The following IRAG1 variants were observed in gnomAD, a reference collection of about 807,000 sequenced individuals.
IRAG1 encodes IP3R-associated cGMP kinase substrate.
IRAG1 carries 62 observed loss-of-function variants against 106.2 expected under a neutral mutation model. The ratio of observed to expected loss-of-function variants is 0.58; its 90% confidence interval spans 0.48 to 0.72. IRAG1 has a LOEUF of 0.72. Ranked by LOEUF, IRAG1 falls within the 30% of genes least tolerant of loss-of-function variation. IRAG1 has a pLI of 0.00. For missense variants in IRAG1, 1,064 were observed against 1,140.7 expected (o/e 0.93, Z 0.97); for synonymous variants, 462 against 443.9 (o/e 1.04, Z -0.51).
At chr11:10,591,321 GCTCT>G (rs1482035352) in intron 18 of IRAG1, among the ~76,000 whole-genome samples, 4 of 152,138 alleles carry the variant, frequency 2.6e-5, no homozygotes, top group Admixed American at 1.3e-4. Flanking sequence ...CCTTCTCTGG[GCTCT>G]CTAAGATTGG....
chr11:10,687,879 G>A (rs1023166742), intron 1 of IRAG1: 50 of 1,051,764 alleles, frequency 4.8e-5, no homozygotes, highest in Non-Finnish European at 5.4e-5. Flanking sequence ...TTTTTTTTGG[G>A]GGGGGGTGGT....
chr11:10,673,376 T>C (rs1038499666), intron 1 of IRAG1, among the ~76,000 whole-genome samples: 1 of 152,126 alleles, frequency 6.6e-6, no homozygotes, highest in African/African-American at 2.4e-5. Flanking sequence ...GAAAATATTA[T>C]GGTAAGTGAA....
chr11:10,599,268 A>C (rs1032576338), intron 15 of IRAG1, among the ~76,000 whole-genome samples: 1 of 152,120 alleles, frequency 6.6e-6, no homozygotes, highest in Non-Finnish European at 1.5e-5. Context: ...TTACCTCTAT[A>C]TTCCAGTATT....
chr11:10,636,032 A>G (rs1857123047), intron 2 of IRAG1, among the ~76,000 whole-genome samples: 2 of 152,182 alleles, frequency 1.3e-5, no homozygotes, highest in South Asian at 4.1e-4. Flanking sequence ...AGCATTGCCT[A>G]TTGGAAGGGT....
Position 10,593,618 on chromosome 11 carries a change from C to T in IRAG1, c.2068-19G>A, listed in dbSNP as rs1470129064. ...GCATATTCTGCAGGAAGAGAAGTGA[C>T]CAGGCTCACTGTCTTGGAGGTAGCA... On this transcript the variant is annotated intron_variant, in intron 16 of 20. Transcript: ENST00000423302. The T allele has an allele frequency of 6.3e-7, 1 of 1,583,264 alleles. No individual in the cohort carries two copies. The highest frequency in any genetic ancestry group is 1.3e-5 in the African/African-American group (1 of 74,272).
intron 5 of IRAG1, among the ~76,000 whole-genome samples, chr11:10,629,113 C>A (rs1325369457): frequency 6.6e-6 from 1 of 152,132 alleles, no homozygotes; most frequent in African/African-American, 2.4e-5. Context: ...TGAGGCCTGG[C>A]GTTGGTTGGC....
intron 1 of IRAG1, among the ~76,000 whole-genome samples, chr11:10,655,319 C>T (rs1858832291): frequency 6.6e-6 from 1 of 152,058 alleles, no homozygotes; most frequent in African/African-American, 2.4e-5. Flanking sequence ...AAGCAGGAAG[C>T]AAGGAGAACA....
In IRAG1 at chr11:10,668,162, C is replaced by T. The variant is rs559856239; in HGVS notation, c.68-15980G>A. On this transcript the variant is annotated intron_variant, in intron 1 of 20. Transcript: ENST00000423302. ...TCAGGAGCCACCACATGATTCTCAC[C>T]AGATTAAACCCTCTGCCCCATTTCC... Among the ~76,000 whole-genome samples, 3 of 152,340 alleles carry T rather than the reference C, an allele frequency of 2.0e-5. No homozygotes were observed. The South Asian group carries it at 6.2e-4, about 32-fold the overall frequency.
intron 20 of IRAG1, among the ~76,000 whole-genome samples, chr11:10,577,157 C>T (rs1457484574): frequency 1.3e-5 from 2 of 152,202 alleles, no homozygotes; most frequent in Non-Finnish European, 1.5e-5. Context: ...CAAGAGTTCA[C>T]TTCAAACCAT....
At chr11:10,616,200 G>A (rs1272715960) in intron 10 of IRAG1, among the ~76,000 whole-genome samples, 1 of 151,400 alleles carries the variant, frequency 6.6e-6, no homozygotes, top group African/African-American at 2.4e-5. Context: ...GGCCGAGGAA[G>A]GAGAGCGGCG....
intron 2 of IRAG1, among the ~76,000 whole-genome samples, chr11:10,640,345 TA>T (rs1360162593): frequency 6.6e-6 from 1 of 152,212 alleles, no homozygotes; most frequent in Non-Finnish European, 1.5e-5. Flanking sequence ...GCAGGAAGCA[TA>T]AAGCGATTAG....
chr11:10,664,329 C>T (rs1305306808), intron 1 of IRAG1, among the ~76,000 whole-genome samples: 1 of 152,202 alleles, frequency 6.6e-6, no homozygotes, highest in Non-Finnish European at 1.5e-5. Flanking sequence ...TCCCAGTTCT[C>T]CAAAGCCATG....
intron 1 of IRAG1, among the ~76,000 whole-genome samples, chr11:10,675,355 CA>C (rs1367363590): frequency 6.6e-6 from 1 of 152,206 alleles, no homozygotes; most frequent in Non-Finnish European, 1.5e-5. Flanking sequence ...TCCTGTGTGT[CA>C]CGTGCACTGC....
chr11:10,614,812 A>G (rs10840448), intron 10 of IRAG1, among the ~76,000 whole-genome samples: 61,416 of 152,104 alleles, frequency 0.4, 12,984 homozygotes, highest in East Asian at 0.69. Flanking sequence ...AAGGACTTCA[A>G]TGTTAGACCT....
intron 18 of IRAG1, chr11:10,589,148 A>G (rs1196345864): frequency 6.6e-6 from 1 of 152,168 alleles, no homozygotes; most frequent in Non-Finnish European, 1.5e-5. Flanking sequence ...AACTAGCCAC[A>G]GGGTATTTGA....
intron 10 of IRAG1, among the ~76,000 whole-genome samples, chr11:10,610,281 A>G (rs183284525): frequency 1.1e-4 from 16 of 152,358 alleles, no homozygotes; most frequent in Admixed American, 8.5e-4. Flanking sequence ...AAAATGTTCT[A>G]TATTATGTAT....
At chr11:10,587,916 A>C (rs1377725571) in intron 18 of IRAG1, among the ~76,000 whole-genome samples, 1 of 152,220 alleles carries the variant, frequency 6.6e-6, no homozygotes, top group Non-Finnish European at 1.5e-5. Flanking sequence ...ACCTCAGGCA[A>C]GTGACGATTT....
intron 3 of IRAG1, among the ~76,000 whole-genome samples, chr11:10,632,353 T>C (rs1856769756): frequency 6.6e-6 from 1 of 152,010 alleles, no homozygotes; most frequent in African/African-American, 2.4e-5. Flanking sequence ...ACCCAGCTAA[T>C]TTTTGTATTT....
At chr11:10,615,708 C>T (rs1158132730) in intron 10 of IRAG1, among the ~76,000 whole-genome samples, 1 of 151,960 alleles carries the variant, frequency 6.6e-6, no homozygotes, top group African/African-American at 2.4e-5. Context: ...CGCATGTTCT[C>T]ACTCATAGGC....
Sources: allele counts gnomAD v4.1 joint callset (sites outside exome capture counted in the v4.1 genomes callset), GRCh38; gene constraint gnomAD v4.1.1; transcripts MANE v1.5; gene names NCBI Gene and HGNC (gene_info 2026-07-23, HGNC 2026-07-21).